Variants in LRRTM4 observed in about 807,000 individuals in gnomAD.
LRRTM4 encodes the protein leucine rich repeat transmembrane neuronal 4.
A neutral mutation model predicts 47.6 loss-of-function variants in LRRTM4; 25 were observed. The observed-to-expected ratio is 0.53, with a 90% CI of 0.38 to 0.73. LRRTM4 has a LOEUF of 0.73. Among genes scored for constraint, LRRTM4 ranks in the 30% least tolerant of loss-of-function variants. LRRTM4 has a pLI of 0.00. For missense variants in LRRTM4, 638 were observed against 713.4 expected (o/e 0.89, Z 1.20); for synonymous variants, 311 against 269.5 (o/e 1.15, Z -1.51).
intron 3 of LRRTM4, among the ~76,000 whole-genome samples, chr2:77,108,578 C>CTTTTTTTTTTTTTTTTTTTTTT (rs200805423): frequency 1.4e-5 from 2 of 142,948 alleles, no homozygotes; most frequent in Non-Finnish European, 1.5e-5. Flanking sequence ...CACAAACATT[C>CTTTTTTTTTTTTTTTTTTTTTT]TTTTTTTTTT....
chr2:77,018,972 ATTAC>A (rs1366227272), intron 3 of LRRTM4, among the ~76,000 whole-genome samples: 2 of 152,034 alleles, frequency 1.3e-5, no homozygotes, highest in Non-Finnish European at 2.9e-5. Context: ...CATTTAGCCC[ATTAC>A]TTCAGTTTCT....
intron 3 of LRRTM4, among the ~76,000 whole-genome samples, chr2:77,345,884 T>C (rs1345044940): frequency 6.6e-6 from 1 of 151,750 alleles, no homozygotes; most frequent in East Asian, 1.9e-4. Flanking sequence ...AGAAAAAATA[T>C]ATATATTCAA....
At chr2:77,160,195 G>C (rs2103806375) in intron 3 of LRRTM4, among the ~76,000 whole-genome samples, 1 of 152,272 alleles carries the variant, frequency 6.6e-6, no homozygotes, top group Non-Finnish European at 1.5e-5. Flanking sequence ...TCTGGACACA[G>C]TTTTCTCCAA....
chr2:77,456,827 CT>C (rs921157748), intron 3 of LRRTM4, among the ~76,000 whole-genome samples: 5 of 151,380 alleles, frequency 3.3e-5, no homozygotes, highest in Admixed American at 2.0e-4. Flanking sequence ...GAAATACTTT[CT>C]TCTCTAATTT....
intron 3 of LRRTM4, among the ~76,000 whole-genome samples, chr2:77,480,841 G>T (rs1254231757): frequency 3.9e-5 from 3 of 77,716 alleles, no homozygotes; most frequent in Non-Finnish European, 8.3e-5. Flanking sequence ...GAGAGAGAGA[G>T]AGAGAGAGAG....
At chr2:77,442,560 G>T (rs188991965) in intron 3 of LRRTM4, among the ~76,000 whole-genome samples, 1 of 152,304 alleles carries the variant, frequency 6.6e-6, no homozygotes, top group East Asian at 1.9e-4. Flanking sequence ...TGCATGTGTA[G>T]CAAGCTCTTC....
intron 3 of LRRTM4, among the ~76,000 whole-genome samples, chr2:76,899,891 A>G (rs138918002): frequency 6.6e-6 from 1 of 152,254 alleles, no homozygotes; most frequent in Non-Finnish European, 1.5e-5. Flanking sequence ...TTTGCATGAC[A>G]TCCATACTTA....
Position 77,159,018 on chromosome 2 carries a change from A to G in LRRTM4, c.1551+359300T>C, listed in dbSNP as rs115436536. On this transcript the variant is annotated intron_variant, in intron 3 of 3. Coordinates refer to ENST00000409884, the MANE Select transcript of LRRTM4 (RefSeq NM_001134745.3). ...CATAGCTTAATATTTTAACCACTAA[A>G]CCAGACTTTATATCACTGTTTTGAT... Among the ~76,000 whole-genome samples, 556 of 152,276 alleles carry G rather than the reference A, an allele frequency of 3.7e-3. 2 individuals carry two copies. Among genetic ancestry groups the G allele is most frequent in the African/African-American group, 0.013 (532 of 41,566 alleles).
At chr2:77,204,968 TAC>T (rs1441586309) in intron 3 of LRRTM4, among the ~76,000 whole-genome samples, 2 of 152,204 alleles carry the variant, frequency 1.3e-5, no homozygotes, top group Non-Finnish European at 2.9e-5. Flanking sequence ...GTGGAAGTAT[TAC>T]CAAGTGAAAG....
chr2:77,298,300 G>A (rs776721992), intron 3 of LRRTM4, among the ~76,000 whole-genome samples: 1 of 152,102 alleles, frequency 6.6e-6, no homozygotes, highest in African/African-American at 2.4e-5. Context: ...GCAGTGGCAC[G>A]ATCTCGGCTC....
At chr2:77,222,231 C>T (rs1026169988) in intron 3 of LRRTM4, among the ~76,000 whole-genome samples, 1 of 152,084 alleles carries the variant, frequency 6.6e-6, no homozygotes, top group African/African-American at 2.4e-5. Context: ...ATTTATAGCA[C>T]CGAATGCCCA....
At chr2:76,941,870 T>C (rs1300984716) in intron 3 of LRRTM4, among the ~76,000 whole-genome samples, 1 of 152,194 alleles carries the variant, frequency 6.6e-6, no homozygotes, top group Non-Finnish European at 1.5e-5. Flanking sequence ...TGTTTCTAGA[T>C]CCTTGAGGAA....
rs1467089185 is a variant in LRRTM4 at position 77,380,073 on chromosome 2, A to G, written c.1551+138245T>C. Among the ~76,000 whole-genome samples, 4 of 152,166 alleles carry G rather than the reference A, an allele frequency of 2.6e-5. No homozygotes were observed. In the East Asian group the frequency reaches 5.8e-4, roughly 22 times the overall value. ...TTAGAAATAAAAGCAAATAGTATAT[A>G]GATTTTCTTATGACTGGTTATTTTA... On this transcript the variant is annotated intron_variant, in intron 3 of 3. Transcript: ENST00000409884.
intron 3 of LRRTM4, among the ~76,000 whole-genome samples, chr2:77,104,049 C>T (rs1464863381): frequency 6.6e-6 from 1 of 152,086 alleles, no homozygotes; most frequent in Non-Finnish European, 1.5e-5. Flanking sequence ...AAGAAAAATT[C>T]TTTATTTCTA....
chr2:77,344,842 A>AC (rs1311494756), intron 3 of LRRTM4, among the ~76,000 whole-genome samples: 2 of 151,734 alleles, frequency 1.3e-5, no homozygotes, highest in Non-Finnish European at 2.9e-5. Context: ...GACAGACATG[A>AC]AGACTAGGAT....
chr2:76,825,793 C>G lies in LRRTM4; in HGVS notation c.1552-76877G>C, dbSNP rs1014138943. Among the ~76,000 whole-genome samples, 87 of 151,258 alleles carry G rather than the reference C, an allele frequency of 5.8e-4. No homozygotes were observed. In the Middle Eastern group the frequency reaches 0.01, roughly 18 times the overall value. ...AGAAGGTTTGGAACTGAGCCTGGAG[C>G]ACTAAAACACTAAGAGGTTAGTCAA... On this transcript the variant is annotated intron_variant, in intron 3 of 3. Coordinates refer to ENST00000409884, the MANE Select transcript of LRRTM4 (RefSeq NM_001134745.3).
intron 3 of LRRTM4, among the ~76,000 whole-genome samples, chr2:77,074,091 ATGTTT>A (rs1167926324): frequency 1.3e-5 from 2 of 151,996 alleles, no homozygotes; most frequent in South Asian, 2.1e-4. Context: ...GTGATATTTT[ATGTTT>A]TGTTTTCTTG....
chr2:77,453,267 C>T (rs746001355), intron 3 of LRRTM4, among the ~76,000 whole-genome samples: 11 of 149,768 alleles, frequency 7.3e-5, no homozygotes, highest in African/African-American at 1.5e-4. Context: ...CTGCAAGCTC[C>T]GCCTCCTGGG....
At chr2:76,750,454 G>A (rs961222553) in intron 3 of LRRTM4, among the ~76,000 whole-genome samples, 4 of 152,060 alleles carry the variant, frequency 2.6e-5, no homozygotes, top group Non-Finnish European at 5.9e-5. Flanking sequence ...CATAAACTTG[G>A]TTAATAACTC....
Sources: allele counts gnomAD v4.1 joint callset (sites outside exome capture counted in the v4.1 genomes callset), GRCh38; gene constraint gnomAD v4.1.1; transcripts MANE v1.5; gene names NCBI Gene and HGNC (gene_info 2026-07-23, HGNC 2026-07-21).